SYNE2: variants seen among roughly 807,000 people sequenced by gnomAD.
SYNE2 encodes spectrin repeat containing nuclear envelope protein 2, also known as nesprin-2.
A neutral mutation model predicts 856.3 loss-of-function variants in SYNE2; 431 were observed. That is an observed-to-expected ratio of 0.50 (90% CI 0.47 to 0.55). The LOEUF is 0.55. SYNE2 is among the 20% of genes least tolerant of loss of function. The pLI is 0.00. For synonymous variants in SYNE2, 2,923 were observed against 2,872.3 expected, an observed-to-expected ratio of 1.02 and a Z score of -0.56; for missense variants, 8,129 against 8,023.2, an observed-to-expected ratio of 1.01 and a Z score of -0.50.
Position 64,158,684 on chromosome 14 carries a change from A to C in SYNE2, c.15852A>C (p.Gln5284His). ...TACAGGAGTGGAAGATTTATGATCAACTCTATGATGAAGTGAATATGATGA... is the reference window on the plus strand; with the variant it reads ...TACAGGAGTGGAAGATTTATGATCACCTCTATGATGAAGTGAATATGATGA... ...SVLQEWKIYDQLYDEVNMMTI... is the reference protein window; with the variant it reads ...SVLQEWKIYDHLYDEVNMMTI... The change falls in exon 86 of 116, where the codon CAA becomes CAC. Residue 5284 changes from glutamine (Q) to histidine (H), a missense_variant. Physicochemically the swap from Gln to His is conservative, Grantham distance 24 (BLOSUM62 0). Around this residue, in one of 3 missense-constraint regions of SYNE2, gnomAD observed 5,410 missense variants for 5,284.8 expected, o/e 1.02. Coordinates refer to ENST00000555002, the MANE Select transcript of SYNE2 (RefSeq NM_182914.3). The C allele has an allele frequency of 6.2e-7, 1 of 1,613,922 alleles. No individual in the cohort carries two copies. The highest frequency in any genetic ancestry group is 8.5e-7 in the Non-Finnish European group (1 of 1,179,894).
chr14:64,019,976 A>AAATTACATGTTTTAGGAAG lies in SYNE2; in HGVS notation c.5050-8_5060dup, dbSNP rs2096924418. 1 of 1,532,932 alleles carries AAATTACATGTTTTAGGAAG rather than the reference A, an allele frequency of 6.5e-7. No individual in the cohort carries two copies. The highest frequency in any genetic ancestry group is 9.0e-7 in the Non-Finnish European group (1 of 1,106,546). 95.0% of individuals were successfully genotyped at this position (1,532,932 alleles called of 1,614,324 possible). On this transcript the variant is annotated splice_polypyrimidine_tract_variant and intron_variant, in intron 34 of 115. Coordinates refer to ENST00000555002, the MANE Select transcript of SYNE2 (RefSeq NM_182914.3). Reference sequence around the variant, plus strand: ...TGAAATAAAAAGACACTATCCTTTAAAATTACATGTTTTAGGAAGAATTAC... The same window carrying AAATTACATGTTTTAGGAAG: ...TGAAATAAAAAGACACTATCCTTTAAAATTACATGTTTTAGGAAGAATTACATGTTTTAGGAAGAATTAC...
chr14:63,947,988 T>G (rs561839659), intron 6 of SYNE2, among the ~76,000 whole-genome samples: 1 of 152,356 alleles, frequency 6.6e-6, no homozygotes, highest in South Asian at 2.1e-4. Context: ...AGTACTATAC[T>G]TTGTAATTTT....
At chr14:64,106,627 C>T (rs1567318065) in intron 64 of SYNE2, among the ~76,000 whole-genome samples, 1 of 152,070 alleles carries the variant, frequency 6.6e-6, no homozygotes, top group Non-Finnish European at 1.5e-5. Context: ...CCAGCCTGGG[C>T]GACAGAGCGA....
intron 14 of SYNE2, among the ~76,000 whole-genome samples, chr14:63,979,582 A>C (rs2096570040): frequency 6.6e-6 from 1 of 152,226 alleles, no homozygotes; most frequent in Non-Finnish European, 1.5e-5. Context: ...CTACATTTAG[A>C]CTTTGTCCTT....
intron 6 of SYNE2, among the ~76,000 whole-genome samples, chr14:63,945,168 A>T (rs1016046306): frequency 5.4e-5 from 8 of 148,292 alleles, no homozygotes; most frequent in Admixed American, 3.4e-4. Flanking sequence ...TGTATATGTA[A>T]TACACACAGA....
At chr14:64,037,304 G>T (rs2097098987) in intron 45 of SYNE2, among the ~76,000 whole-genome samples, 2 of 151,520 alleles carry the variant, frequency 1.3e-5, no homozygotes, top group Admixed American at 6.6e-5. Flanking sequence ...GTGTCCCTGG[G>T]TACTTGAGAT....
At chr14:64,043,778 A>T (rs559309069) in intron 45 of SYNE2, among the ~76,000 whole-genome samples, 4 of 152,390 alleles carry the variant, frequency 2.6e-5, no homozygotes, top group South Asian at 4.1e-4. Context: ...GAAGTTTGCT[A>T]CGGGGGCGGG....
chr14:64,190,261 T>G (rs1274259164), intron 99 of SYNE2, 24 bp downstream of exon 99: 1 of 1,613,804 alleles, frequency 6.2e-7, no homozygotes, highest in East Asian at 2.2e-5. Flanking sequence ...TAAAAATGAT[T>G]ACTCTCCAGG....
rs527947618 is a variant in SYNE2 at position 64,083,926 on chromosome 14, AT to A, written c.11484+2361del. 5.9e-3 allele frequency among the ~76,000 whole-genome samples: 860 copies of A among 144,844 alleles called. 5 individuals are homozygous for A. The highest frequency in any genetic ancestry group is 9.5e-3 in the Admixed American group (138 of 14,516). ...ATGACATTATAAAAATAGAAAACTAATTTTTTTTTTTTTTTGAGACGGAGTT... is the reference window on the plus strand; with the variant it reads ...ATGACATTATAAAAATAGAAAACTAATTTTTTTTTTTTTTGAGACGGAGTT... On this transcript the variant is annotated intron_variant, in intron 57 of 115. Transcript: ENST00000555002.
intron 1 of SYNE2, among the ~76,000 whole-genome samples, chr14:63,867,692 T>C (rs2210650): frequency 0.63 from 95,984 of 151,704 alleles, 30,826 homozygotes; most frequent in South Asian, 0.77. Flanking sequence ...AGCGAGACTC[T>C]GTCTCAAAAA....
chr14:64,038,830 G>T (rs529578469), intron 45 of SYNE2, among the ~76,000 whole-genome samples: 4 of 152,166 alleles, frequency 2.6e-5, no homozygotes, highest in Non-Finnish European at 4.4e-5. Flanking sequence ...GAGGGAGACC[G>T]TGGAAAGAGA....
At chr14:64,080,868 A>C (rs2097516410) in intron 56 of SYNE2, among the ~76,000 whole-genome samples, 1 of 152,202 alleles carries the variant, frequency 6.6e-6, no homozygotes, top group Non-Finnish European at 1.5e-5. Context: ...TGACCACAGC[A>C]AGAGCCAGGC....
In SYNE2 at chr14:64,134,107, A is replaced by C; in HGVS notation, c.14553A>C (p.Glu4851Asp). 2 of 1,614,096 alleles carry C rather than the reference A, an allele frequency of 1.2e-6. No homozygotes were observed. The highest frequency in any genetic ancestry group is 1.7e-6 in the Non-Finnish European group (2 of 1,179,974). Residue 4851 changes from glutamate (E) to aspartate (D), a missense_variant, in exon 78 of 116, where the codon GAA (glutamate) becomes GAC (aspartate). Glu to Asp is a conservative substitution (Grantham distance 45, BLOSUM62 2). Transcript: ENST00000555002. ...TTGATGAAAACTATGCATCTCTTGA[A>C]AAGGACCTGGAAATTCTTATATCTA... is the stretch of plus-strand genomic sequence containing the variant. ...EEFDENYASL[E>D]KDLEILISTL...
At chr14:63,800,438 C>T (rs1419957379) in intron 1 of SYNE2, among the ~76,000 whole-genome samples, 1 of 152,050 alleles carries the variant, frequency 6.6e-6, no homozygotes, top group East Asian at 1.9e-4. Flanking sequence ...ATTTTTAGTA[C>T]AGATGGGGTT....
chr14:63,891,514 C>T (rs1341431507), intron 1 of SYNE2, among the ~76,000 whole-genome samples: 1 of 151,824 alleles, frequency 6.6e-6, no homozygotes, highest in Admixed American at 6.6e-5. Context: ...GGACACTTTA[C>T]AAATGGAAAT....
At chr14:63,798,094 C>T (rs1887989719) in intron 1 of SYNE2, among the ~76,000 whole-genome samples, 1 of 152,196 alleles carries the variant, frequency 6.6e-6, no homozygotes, top group Non-Finnish European at 1.5e-5. Context: ...TGCTCTGTCA[C>T]CCAGGATAAA....
In SYNE2 at chr14:64,017,508, T is replaced by G. The variant is rs914455825; in HGVS notation, c.4888-87T>G. The G allele has an allele frequency of 4.2e-6, 5 of 1,195,152 alleles. No homozygotes were observed. In the African/African-American group the frequency reaches 6.1e-5, roughly 15 times the overall value. The allele number at this position is 1,195,152 out of a possible 1,614,324, so 74.0% of individuals were successfully genotyped here. ...TTATCCAGTAATAGTAAACTAAAAT[T>G]TTATTTTAAAACAGTGTTTGGCTGA... On this transcript the variant is annotated intron_variant, in intron 33 of 115. Coordinates refer to ENST00000555002, the MANE Select transcript of SYNE2 (RefSeq NM_182914.3).
At chr14:64,103,307 A>G (rs2097748951) in intron 64 of SYNE2, among the ~76,000 whole-genome samples, 1 of 152,088 alleles carries the variant, frequency 6.6e-6, no homozygotes, top group African/African-American at 2.4e-5. Flanking sequence ...ATGTAAATTA[A>G]CATGCCACTC....
intron 63 of SYNE2, among the ~76,000 whole-genome samples, chr14:64,101,592 G>A (rs117227788): frequency 0.017 from 2,549 of 152,272 alleles, 38 homozygotes; most frequent in Non-Finnish European, 0.026. Context: ...ATGGGTGTGA[G>A]TCACAGTGCC....
Sources: gnomAD v4.1 joint callset for allele counts (sites outside exome capture counted in the v4.1 genomes callset) on GRCh38, gnomAD v4.1.1 for gene constraint, gnomAD v4.1.1 regional missense constraint, MANE v1.5 for transcripts, NCBI Gene and HGNC (gene_info 2026-07-23, HGNC 2026-07-21) for gene names.